CCDC148: variants seen among roughly 807,000 people sequenced by gnomAD.
The protein encoded by CCDC148 is coiled-coil domain containing 148.
Under a neutral mutation model 85.7 loss-of-function variants are expected in CCDC148, and 89 were observed. The observed-to-expected ratio is 1.04, with a 90% CI of 0.87 to 1.24. CCDC148 has a LOEUF of 1.24. Among genes scored for constraint, CCDC148 ranks in the 50% most tolerant of loss-of-function variants. CCDC148 has a pLI of 0.00. For missense variants in CCDC148, 692 were observed against 671.7 expected (o/e 1.03, Z -0.33); for synonymous variants, 230 against 213.9 (o/e 1.08, Z -0.66).
chr2:158,324,181 T>C (rs1206431621), intron 7 of CCDC148, among the ~76,000 whole-genome samples: 1 of 152,098 alleles, frequency 6.6e-6, no homozygotes, highest in Non-Finnish European at 1.5e-5. Flanking sequence ...CCTCCCACAG[T>C]GCTGAGATTA....
Position 158,447,067 on chromosome 2 carries a change from A to G in CCDC148, c.25+9348T>C, listed in dbSNP as rs1307451816. ...TAACAATATTGCTACTGTTCATGTA[A>G]AAGTCTGTGTGGACATACATATTTA... On this transcript the variant is annotated intron_variant, in intron 1 of 13. Coordinates refer to ENST00000283233, the MANE Select transcript of CCDC148 (RefSeq NM_138803.4). 4 of 152,324 alleles carry G rather than the reference A, an allele frequency of 2.6e-5. No individual in the cohort carries two copies. In the South Asian group the frequency reaches 8.3e-4, roughly 32 times the overall value. The allele number at this position is 152,324 out of a possible 1,614,324, so 9.4% of individuals were successfully genotyped here. A position where few individuals can be genotyped will look rare whatever the true frequency, so the allele number is the denominator to read the frequency against.
At position 158,289,429 on chromosome 2, in the gene CCDC148, C is replaced by T. The variant is rs180938101; in HGVS notation, c.1110+20004G>A. Among the ~76,000 whole-genome samples, 28 of 152,096 alleles carry T rather than the reference C, an allele frequency of 1.8e-4. 1 individual carries two copies. Among genetic ancestry groups the T allele is most frequent in the Admixed American group, 9.8e-4 (15 of 15,290 alleles). ...AAAATGGATGAAAGACTTAAACAAG[C>T]AATTTCACAAAGAAAAAAATCCAGA... On this transcript the variant is annotated intron_variant, in intron 9 of 13. Transcript: ENST00000283233.
intron 1 of CCDC148, among the ~76,000 whole-genome samples, chr2:158,367,367 T>A (rs1227665632): frequency 6.6e-6 from 1 of 152,190 alleles, no homozygotes; most frequent in Non-Finnish European, 1.5e-5. Flanking sequence ...GCCATCTTTA[T>A]CTCATAGGAG....
At chr2:158,366,060 A>T in intron 1 of CCDC148, 1 of 1,539,978 alleles carries the variant, frequency 6.5e-7, no homozygotes, top group Non-Finnish European at 8.8e-7. Context: ...GGTCTCTTTG[A>T]TTCATGTTTT....
chr2:158,319,922 G>T (rs1692447798), intron 7 of CCDC148, among the ~76,000 whole-genome samples: 1 of 152,130 alleles, frequency 6.6e-6, no homozygotes, highest in East Asian at 1.9e-4. Context: ...AATAGAATCA[G>T]TGAAGACAAG....
At chr2:158,393,153 G>C (rs1313210839) in intron 1 of CCDC148, 1 of 152,096 alleles carries the variant, frequency 6.6e-6, no homozygotes, top group Non-Finnish European at 1.5e-5. Flanking sequence ...ATGTGTGAGA[G>C]CAAACCTGGA....
rs555523167 is a variant in CCDC148 at position 158,279,597 on chromosome 2, A to G, written c.1111-28685T>C. Among the ~76,000 whole-genome samples, 393 of 152,236 alleles carry G rather than the reference A, an allele frequency of 2.6e-3. 3 individuals are homozygous for G. The highest frequency in any genetic ancestry group is 4.5e-3 in the Non-Finnish European group (303 of 68,002). On this transcript the variant is annotated intron_variant, in intron 9 of 13. Coordinates refer to ENST00000283233, the MANE Select transcript of CCDC148 (RefSeq NM_138803.4). ...GAGAAAAAAGAATAAAAAGAAATGAACAAAGCCTCCAAGAAATATGGGACT... is the reference window on the plus strand; with the variant it reads ...GAGAAAAAAGAATAAAAAGAAATGAGCAAAGCCTCCAAGAAATATGGGACT...
chr2:158,436,707 C>A (rs909206250), intron 1 of CCDC148, among the ~76,000 whole-genome samples: 2 of 151,834 alleles, frequency 1.3e-5, no homozygotes, highest in Non-Finnish European at 2.9e-5. Flanking sequence ...GTTGAAAAGA[C>A]CAACAAAATT....
chr2:158,330,491 A>C (rs895574080), intron 7 of CCDC148, among the ~76,000 whole-genome samples: 1 of 152,116 alleles, frequency 6.6e-6, no homozygotes, highest in Non-Finnish European at 1.5e-5. Flanking sequence ...TGTCTCTGGC[A>C]GGCTTTGGTA....
At chr2:158,402,432 C>CAAAAA (rs5835702) in intron 1 of CCDC148, among the ~76,000 whole-genome samples, 1 of 143,110 alleles carries the variant, frequency 7.0e-6, no homozygotes. Flanking sequence ...AGAAAGTAGT[C>CAAAAA]AAAAAAAAAA....
At chr2:158,330,837 T>C (rs1693065103) in intron 7 of CCDC148, among the ~76,000 whole-genome samples, 1 of 152,210 alleles carries the variant, frequency 6.6e-6, no homozygotes, top group East Asian at 1.9e-4. Context: ...TTTGTATTTC[T>C]GTGAGATAGG....
chr2:158,183,942 G>A (rs1470477548), intron 11 of CCDC148, among the ~76,000 whole-genome samples: 2 of 152,090 alleles, frequency 1.3e-5, no homozygotes, highest in African/African-American at 4.8e-5. Flanking sequence ...ACCCCAACAG[G>A]GAAGAATGTG....
chr2:158,369,915 T>C (rs1278386014), intron 1 of CCDC148, among the ~76,000 whole-genome samples: 1 of 152,174 alleles, frequency 6.6e-6, no homozygotes, highest in Non-Finnish European at 1.5e-5. Flanking sequence ...CTTTTCTGTG[T>C]CTATTGAGAA....
rs1388226083 is a variant in CCDC148 at position 158,351,654 on chromosome 2, C to T, written c.148-6336G>A. 2.7e-3 allele frequency among the ~76,000 whole-genome samples: 405 copies of T among 152,252 alleles called. 3 individuals carry two copies. The highest frequency in any genetic ancestry group is 9.0e-3 in the African/African-American group (373 of 41,566). ...GGCGGCAGCGAGGCTGGGGGAGGGG[C>T]GCCCGCCATTGCCCAGGCTTGATTA... On this transcript the variant is annotated intron_variant, in intron 2 of 13. Coordinates refer to ENST00000283233, the MANE Select transcript of CCDC148 (RefSeq NM_138803.4).
At chr2:158,321,012 G>C (rs552964988) in intron 7 of CCDC148, among the ~76,000 whole-genome samples, 1 of 152,160 alleles carries the variant, frequency 6.6e-6, no homozygotes, top group African/African-American at 2.4e-5. Context: ...CTAAGCAAAG[G>C]TAAACTCTAA....
At chr2:158,347,652 C>G (rs1329732861) in intron 2 of CCDC148, among the ~76,000 whole-genome samples, 1 of 151,978 alleles carries the variant, frequency 6.6e-6, no homozygotes, top group African/African-American at 2.4e-5. Context: ...ATAAAAGAAT[C>G]AGAAACCAGG....
chr2:158,174,889 C>A (rs1277093975), intron 13 of CCDC148, among the ~76,000 whole-genome samples: 1 of 151,872 alleles, frequency 6.6e-6, no homozygotes, highest in Non-Finnish European at 1.5e-5. Flanking sequence ...TGTCTTTGAC[C>A]AAAACACTGT....
In CCDC148 at chr2:158,399,046, G is replaced by A. The variant is rs560558028; in HGVS notation, c.26-40476C>T. ...TCTAGAAGAAATGGATAAATTCCTG[G>A]ACACATACACCCTCCTAAGACTAAA... is the stretch of plus-strand genomic sequence containing the variant. On this transcript the variant is annotated intron_variant, in intron 1 of 13. Coordinates refer to ENST00000283233, the MANE Select transcript of CCDC148 (RefSeq NM_138803.4). Among the ~76,000 whole-genome samples, 62 of 152,220 alleles carry A rather than the reference G, an allele frequency of 4.1e-4. 2 individuals carry two copies. The highest frequency in any genetic ancestry group is 2.4e-3 in the Admixed American group (37 of 15,276).
intron 9 of CCDC148, among the ~76,000 whole-genome samples, chr2:158,264,043 C>G (rs1689348526): frequency 6.6e-6 from 1 of 151,716 alleles, no homozygotes; most frequent in South Asian, 2.1e-4. Flanking sequence ...CTCAAGAGAA[C>G]TGCTCATAGA....
Sources: gnomAD v4.1 joint callset for allele counts (sites outside exome capture counted in the v4.1 genomes callset) on GRCh38, gnomAD v4.1.1 for gene constraint, MANE v1.5 for transcripts, NCBI Gene and HGNC (gene_info 2026-07-23, HGNC 2026-07-21) for gene names.